The following MOXD1 variants were observed in gnomAD, a reference collection of about 807,000 sequenced individuals.
MOXD1 encodes monooxygenase DBH like 1, also known as DBH-like monooxygenase protein 1.
A neutral mutation model predicts 66.6 loss-of-function variants in MOXD1; 62 were observed. The observed-to-expected ratio is 0.93, with a 90% CI of 0.76 to 1.15. MOXD1 has a LOEUF of 1.15. MOXD1 is among the 50% of genes most tolerant of loss of function. The pLI, the probability that MOXD1 is intolerant of heterozygous loss-of-function variation, is 0.00. For missense variants in MOXD1, 847 were observed against 754.6 expected, an observed-to-expected ratio of 1.12 and a Z score of -1.44; for synonymous variants, 303 against 281.9, an observed-to-expected ratio of 1.07 and a Z score of -0.75.
chr6:132,303,831 GTGTGTATATATATATATA>G (rs1774617787), intron 10 of MOXD1, among the ~76,000 whole-genome samples: 7 of 66,734 alleles, frequency 1.0e-4, no homozygotes, highest in African/African-American at 4.0e-4. Context: ...GTGTGTGTGT[GTGTGTATATATATATATA>G]TATATATATA....
intron 10 of MOXD1, among the ~76,000 whole-genome samples, chr6:132,313,742 C>T (rs1325100901): frequency 2.6e-5 from 4 of 152,070 alleles, no homozygotes; most frequent in Non-Finnish European, 2.9e-5. Context: ...GGAGAAACCC[C>T]GTCTCTACTA....
chr6:132,374,599 T>C, intron 2 of MOXD1, 32 bp downstream of exon 2: 1 of 1,604,048 alleles, frequency 6.2e-7, no homozygotes, highest in Non-Finnish European at 8.5e-7. Flanking sequence ...ATACAATTTG[T>C]TCATGCATGC....
intron 4 of MOXD1, among the ~76,000 whole-genome samples, chr6:132,354,626 T>C (rs553861283): frequency 1.1e-4 from 16 of 152,362 alleles, no homozygotes; most frequent in Admixed American, 4.6e-4. Context: ...TTTGTGCTGG[T>C]TGGCGTCCTG....
intron 4 of MOXD1, among the ~76,000 whole-genome samples, chr6:132,366,478 C>T (rs149438031): frequency 8.7e-4 from 132 of 151,312 alleles, no homozygotes; most frequent in African/African-American, 2.9e-3. Flanking sequence ...TGACAACAAA[C>T]CAAAATGCTG....
rs1775053318 is a variant in MOXD1 at position 132,320,403 on chromosome 6, A to C, written c.1365+226T>G. Among the ~76,000 whole-genome samples, 2 of 152,204 alleles carry C rather than the reference A, an allele frequency of 1.3e-5. 1 individual carries two copies. Among genetic ancestry groups the C allele is most frequent in the South Asian group, 4.1e-4 (2 of 4,826 alleles). ...AAGGATAGCTTTTCATGAAGGAGTCAATTAATTACACTCCAAGTATTATTT... is the reference window on the plus strand; with the variant it reads ...AAGGATAGCTTTTCATGAAGGAGTCCATTAATTACACTCCAAGTATTATTT... On this transcript the variant is annotated intron_variant, in intron 9 of 11. Transcript: ENST00000367963.
intron 10 of MOXD1, among the ~76,000 whole-genome samples, chr6:132,302,807 A>G (rs1582556912): frequency 6.6e-6 from 1 of 152,286 alleles, no homozygotes; most frequent in East Asian, 1.9e-4. Context: ...ACTTCCTATA[A>G]AACTATAATA....
intron 1 of MOXD1, among the ~76,000 whole-genome samples, chr6:132,380,909 C>T (rs1284344462): frequency 6.6e-6 from 1 of 152,066 alleles, no homozygotes; most frequent in Non-Finnish European, 1.5e-5. Flanking sequence ...ACCTTTTAGC[C>T]CCTACACGCA....
At chr6:132,339,410 C>T (rs1198896603) in intron 4 of MOXD1, among the ~76,000 whole-genome samples, 2 of 152,208 alleles carry the variant, frequency 1.3e-5, no homozygotes, top group Non-Finnish European at 2.9e-5. Context: ...TATCTACATA[C>T]TATGTGCTCT....
intron 1 of MOXD1, among the ~76,000 whole-genome samples, chr6:132,398,811 C>A (rs574360254): frequency 6.6e-6 from 1 of 151,502 alleles, no homozygotes; most frequent in African/African-American, 2.4e-5. Context: ...TGGTGACAGG[C>A]GCCTGTAATC....
At chr6:132,385,595 T>C (rs1307637607) in intron 1 of MOXD1, among the ~76,000 whole-genome samples, 6 of 151,620 alleles carry the variant, frequency 4.0e-5, no homozygotes, top group Admixed American at 3.9e-4. Context: ...GCGATTCTCA[T>C]GCCTCAGCCT....
chr6:132,384,258 C>A (rs1483047449), intron 1 of MOXD1, among the ~76,000 whole-genome samples: 10 of 93,766 alleles, frequency 1.1e-4, no homozygotes, highest in Admixed American at 1.1e-3. Flanking sequence ...TCCTTCCTTC[C>A]TTCCTTCCTT....
chr6:132,297,679 G>A (rs1586044763), intron 11 of MOXD1, 108 bp downstream of exon 11: 1 of 1,301,502 alleles, frequency 7.7e-7, no homozygotes, highest in East Asian at 2.4e-5. Flanking sequence ...ACATTAGAAG[G>A]CAACTGGACC....
intron 4 of MOXD1, among the ~76,000 whole-genome samples, chr6:132,340,630 C>A (rs1413692169): frequency 1.5e-5 from 2 of 137,762 alleles, no homozygotes; most frequent in African/African-American, 3.0e-5. Context: ...GCTAAAACAA[C>A]AAGACTCATT....
chr6:132,366,439 T>A (rs1475242151), intron 4 of MOXD1, among the ~76,000 whole-genome samples: 2 of 152,000 alleles, frequency 1.3e-5, no homozygotes, highest in African/African-American at 4.8e-5. Context: ...CAATGAGAAC[T>A]AGACGGGGCA....
intron 10 of MOXD1, among the ~76,000 whole-genome samples, chr6:132,307,857 C>G (rs1052590292): frequency 6.6e-6 from 1 of 152,088 alleles, no homozygotes; most frequent in Admixed American, 6.5e-5. Context: ...CTCTGGGACA[C>G]AGCTAAAGCA....
chr6:132,340,448 T>A (rs900406805), intron 4 of MOXD1, among the ~76,000 whole-genome samples: 1 of 137,244 alleles, frequency 7.3e-6, no homozygotes, highest in African/African-American at 2.6e-5. Flanking sequence ...TTTCTTTTTT[T>A]TTTTTTTTTT....
At chr6:132,332,404 G>T (rs929663518) in intron 4 of MOXD1, among the ~76,000 whole-genome samples, 1 of 152,130 alleles carries the variant, frequency 6.6e-6, no homozygotes, top group African/African-American at 2.4e-5. Flanking sequence ...GAAAGAAAAA[G>T]AAGTGCTTGG....
At chr6:132,307,267 A>G (rs1774715911) in intron 10 of MOXD1, among the ~76,000 whole-genome samples, 1 of 152,230 alleles carries the variant, frequency 6.6e-6, no homozygotes, top group Non-Finnish European at 1.5e-5. Context: ...CAAAAAAGAC[A>G]AAGAATGGCA....
intron 4 of MOXD1, among the ~76,000 whole-genome samples, chr6:132,349,480 TAC>T (rs199999266): frequency 0.019 from 736 of 37,802 alleles, 49 homozygotes; most frequent in Middle Eastern, 0.089. Flanking sequence ...TATATATATA[TAC>T]ATATATATAT....
Sources: allele counts gnomAD v4.1 joint callset (sites outside exome capture counted in the v4.1 genomes callset), GRCh38; gene constraint gnomAD v4.1.1; transcripts MANE v1.5; gene names NCBI Gene and HGNC (gene_info 2026-07-23, HGNC 2026-07-21).